Variants in TSNAX observed in about 807,000 individuals in gnomAD.
TSNAX encodes the protein translin associated factor X, also known as translin-associated protein X.
A neutral mutation model predicts 33.0 loss-of-function variants in TSNAX; 12 were observed. The observed-to-expected ratio is 0.36, with a 90% confidence interval of 0.23 to 0.59. The LOEUF (loss-of-function observed/expected upper bound fraction) is 0.59, where lower values mean the gene tolerates loss of function less well. TSNAX is among the 20% of genes least tolerant of loss of function. The pLI is 0.74. For synonymous variants in TSNAX, 110 were observed against 117.2 expected (o/e 0.94, Z 0.40); for missense variants, 267 against 341.3 (o/e 0.78, Z 1.72).
At chr1:231,547,389 C>CTTTTT (rs71179784) in intron 4 of TSNAX, among the ~76,000 whole-genome samples, 29 of 104,686 alleles carry the variant, frequency 2.8e-4, no homozygotes, top group Non-Finnish European at 3.2e-4. Context: ...TTTTTTTTTT[C>CTTTTT]TTTTTTTTTT....
chr1:231,532,193 GTT>G (rs969859385), intron 2 of TSNAX, among the ~76,000 whole-genome samples: 3 of 47,384 alleles, frequency 6.3e-5, no homozygotes, highest in Non-Finnish European at 4.2e-5. Context: ...CACAGTTTTG[GTT>G]TTTTTTTTTT....
At chr1:231,533,099 C>T (rs1471999817) in intron 2 of TSNAX, among the ~76,000 whole-genome samples, 29 of 148,338 alleles carry the variant, frequency 2.0e-4, no homozygotes, top group Admixed American at 1.8e-3. Context: ...TGGACTCTCA[C>T]TCTGTCACCC....
chr1:231,550,716 G>A (rs766153317), intron 4 of TSNAX, among the ~76,000 whole-genome samples: 4 of 152,110 alleles, frequency 2.6e-5, no homozygotes, highest in Non-Finnish European at 5.9e-5. Context: ...TCCCCTATTG[G>A]TTGGAGGAGA....
In TSNAX at chr1:231,528,705, G is replaced by C. The variant is rs1658427028; in HGVS notation, c.-106G>C. 7.2e-7 allele frequency: 1 copy of C among 1,384,528 alleles called. No homozygotes were observed. The highest frequency in any genetic ancestry group is 1.4e-5 in the African/African-American group (1 of 70,024). 85.8% of individuals were successfully genotyped at this position (1,384,528 alleles called of 1,614,324 possible). A position where few individuals can be genotyped will look rare whatever the true frequency, so the allele number is the denominator to read the frequency against. On this transcript the variant is annotated 5_prime_UTR_variant, in exon 1 of 6. Transcript: ENST00000366639. ...GTTGTAGTCGGCCCGGCTGCAAAGC[G>C]TTTTTCTGCAGGCTGTTTTCCCAGG... is the stretch of plus-strand genomic sequence containing the variant.
chr1:231,559,480 C>T (rs1317479490), intron 4 of TSNAX, among the ~76,000 whole-genome samples: 1 of 152,136 alleles, frequency 6.6e-6, no homozygotes, highest in East Asian at 1.9e-4. Context: ...AGGCACCCGC[C>T]ACCATGCCCA....
intron 5 of TSNAX, 48 bp from the exon 6 acceptor site, chr1:231,564,480 C>A: frequency 6.4e-7 from 1 of 1,556,790 alleles, no homozygotes; most frequent in Non-Finnish European, 8.7e-7. Context: ...AGTGTTCTTT[C>A]TTGTGTGTGT....
chr1:231,529,492 A>C, intron 2 of TSNAX, 133 bp downstream of exon 2: 1 of 797,526 alleles, frequency 1.3e-6, no homozygotes, highest in Non-Finnish European at 2.0e-6. Context: ...CGCTAGATGT[A>C]CCCTAAAAGT....
At chr1:231,542,268 A>T (rs1033896761) in intron 3 of TSNAX, among the ~76,000 whole-genome samples, 2 of 152,144 alleles carry the variant, frequency 1.3e-5, no homozygotes, top group African/African-American at 4.8e-5. Context: ...AATTTTTCTT[A>T]TAGTAAACAT....
chr1:231,544,912 GATT>G (rs1170459316), intron 4 of TSNAX, among the ~76,000 whole-genome samples: 2 of 149,800 alleles, frequency 1.3e-5, no homozygotes, highest in Non-Finnish European at 3.0e-5. Flanking sequence ...TATCATTGAG[GATT>G]ATTATAAGCA....
chr1:231,548,205 CT>C, intron 4 of TSNAX, among the ~76,000 whole-genome samples: 1 of 152,266 alleles, frequency 6.6e-6, no homozygotes, highest in South Asian at 2.1e-4. Flanking sequence ...TTATTTTATT[CT>C]TCTCATAGTT....
intron 2 of TSNAX, 39 bp from the exon 3 acceptor site, chr1:231,537,174 T>G: frequency 6.9e-7 from 1 of 1,447,398 alleles, no homozygotes; most frequent in African/African-American, 1.4e-5. Context: ...AGGCTTTGAG[T>G]ATAGAATATA....
At chr1:231,560,580 A>G (rs1444822262) in intron 4 of TSNAX, among the ~76,000 whole-genome samples, 2 of 150,910 alleles carry the variant, frequency 1.3e-5, no homozygotes, top group Non-Finnish European at 3.0e-5. Context: ...ACACCCGGCT[A>G]ATATTTTTTG....
intron 4 of TSNAX, among the ~76,000 whole-genome samples, chr1:231,547,434 AG>A (rs1200527989): frequency 8.1e-6 from 1 of 122,796 alleles, no homozygotes; most frequent in African/African-American, 3.3e-5. Context: ...TCTGTCGCCC[AG>A]GCTGGAGTGC....
chr1:231,553,707 A>G (rs1211195784), intron 4 of TSNAX, among the ~76,000 whole-genome samples: 17 of 121,996 alleles, frequency 1.4e-4, no homozygotes, highest in Non-Finnish European at 2.5e-4. Context: ...TTTCTTTGAG[A>G]TGGAGTTTTG....
chr1:231,561,606 T>C (rs1410664682), intron 5 of TSNAX, among the ~76,000 whole-genome samples: 1 of 152,216 alleles, frequency 6.6e-6, no homozygotes, highest in Non-Finnish European at 1.5e-5. Context: ...ACTCTCATTT[T>C]ACAGAGAAAG....
chr1:231,542,805 G>T, intron 4 of TSNAX, 194 bp downstream of exon 4: 3 of 500,078 alleles, frequency 6.0e-6, no homozygotes, highest in Admixed American at 3.7e-5. Flanking sequence ...GTGTAGTGAT[G>T]GTCATTGATT....
At chr1:231,536,582 A>G (rs1378467220) in intron 2 of TSNAX, 3 of 152,234 alleles carry the variant, frequency 2.0e-5, no homozygotes, top group Admixed American at 1.3e-4. Flanking sequence ...GCATTTACAG[A>G]AATTATTAGA....
intron 4 of TSNAX, among the ~76,000 whole-genome samples, chr1:231,560,136 C>A (rs190587607): frequency 6.6e-6 from 1 of 151,318 alleles, no homozygotes; most frequent in African/African-American, 2.4e-5. Context: ...CCCGCCACCA[C>A]GCCCGGCTAA....
intron 3 of TSNAX, 116 bp downstream of exon 3, chr1:231,537,443 A>G (rs951640039): frequency 2.0e-5 from 13 of 662,158 alleles, no homozygotes; most frequent in African/African-American, 5.8e-5. Context: ...TTAATATTTT[A>G]ATAAAAATAG....
Sources: allele counts gnomAD v4.1 joint callset (sites outside exome capture counted in the v4.1 genomes callset), GRCh38; gene constraint gnomAD v4.1.1; transcripts MANE v1.5; gene names NCBI Gene and HGNC (gene_info 2026-07-23, HGNC 2026-07-21).